The following MZT2B variants were observed in gnomAD, a reference collection of about 807,000 sequenced individuals.
MZT2B encodes the protein mitotic-spindle organizing protein 2B.
A neutral mutation model predicts 12.1 loss-of-function variants in MZT2B; 11 were observed. That is an observed-to-expected ratio of 0.91 (90% confidence interval 0.57 to 1.50). The LOEUF is 1.50. Among genes scored for constraint, MZT2B ranks in the 40% most tolerant of loss-of-function variants. The pLI, the probability that MZT2B is intolerant of heterozygous loss-of-function variation, is 0.00. For synonymous variants in MZT2B, 85 were observed against 109.5 expected, an observed-to-expected ratio of 0.78 and a Z score of 1.40; for missense variants, 209 against 227.7, an observed-to-expected ratio of 0.92 and a Z score of 0.53.
At chr2:130,182,883 C>G in intron 2 of MZT2B, 108 bp downstream of exon 2, 1 of 1,470,514 alleles carries the variant, frequency 6.8e-7, no homozygotes, top group Non-Finnish European at 9.0e-7. Flanking sequence ...GCCTGTCTGT[C>G]GGTCTAGGCC....
At chr2:130,196,060 G>A in the MZT2B span, 2 of 1,315,718 alleles carry the variant, frequency 1.5e-6, no homozygotes, top group African/African-American at 3.0e-5. Context: ...CATCCTTTCA[G>A]CAGGAGGATT....
intron 2 of MZT2B, among the ~76,000 whole-genome samples, chr2:130,189,981 A>G (rs1356313332): frequency 6.6e-6 from 1 of 152,186 alleles, no homozygotes; most frequent in Non-Finnish European, 1.5e-5. Flanking sequence ...CAGAAACCCA[A>G]TTCCAGGACT....
chr2:130,193,651 T>C (rs1191521522), downstream of MZT2B: 8 of 1,026,648 alleles, frequency 7.8e-6, no homozygotes, highest in Non-Finnish European at 1.1e-5. Context: ...TTATCAACTC[T>C]GGTTCACTAA....
the MZT2B span, chr2:130,204,165 T>C: frequency 5.8e-6 from 7 of 1,211,580 alleles, no homozygotes; most frequent in Non-Finnish European, 7.6e-6. Context: ...AATTTTTTTT[T>C]CAGCAATTGG....
Position 130,187,347 on chromosome 2 carries a change from G to C in MZT2B, c.320-3122G>C, listed in dbSNP as rs573432075. Among the ~76,000 whole-genome samples the C allele has an allele frequency of 2.1e-3, 316 of 152,108 alleles. 2 individuals are homozygous for C. The highest frequency in any genetic ancestry group is 6.8e-3 in the Middle Eastern group (2 of 294). On this transcript the variant is annotated intron_variant, in intron 2 of 2. Transcript: ENST00000281871. The stretch of plus-strand genomic sequence containing the variant: ...GGACTACAGGTGCACACTACCACAC[G>C]TGGCTAATTTTTTAATTTTTTGTAG...
intron 2 of MZT2B, chr2:130,183,880 A>G (rs781678522): frequency 1.9e-6 from 3 of 1,550,468 alleles, no homozygotes; most frequent in Middle Eastern, 1.7e-4. Context: ...GTTCTGCTCC[A>G]CAGCCCGGCT....
intron 2 of MZT2B, chr2:130,187,994 T>C (rs1690122131): frequency 6.6e-6 from 1 of 151,470 alleles, no homozygotes; most frequent in South Asian, 2.1e-4. Flanking sequence ...CAATGAACTG[T>C]GATTGCATCA....
downstream of MZT2B, chr2:130,193,667 G>T: frequency 6.7e-6 from 8 of 1,188,898 alleles, no homozygotes; most frequent in African/African-American, 1.5e-5. Flanking sequence ...ACTAACTTAT[G>T]CCCACATGCC....
chr2:130,196,403 C>T, the MZT2B span: 1 of 1,598,164 alleles, frequency 6.3e-7, no homozygotes, highest in Non-Finnish European at 8.6e-7. Flanking sequence ...TGAACCCATT[C>T]ATTTCAAGGC....
chr2:130,188,066 C>CT (rs1269533068), intron 2 of MZT2B: 23 of 138,272 alleles, frequency 1.7e-4, no homozygotes, highest in Non-Finnish European at 2.5e-4. Context: ...CCCCACCACT[C>CT]AAAAAAAAAA....
chr2:130,194,501 T>A (rs781232230), downstream of MZT2B: 12 of 1,519,614 alleles, frequency 7.9e-6, no homozygotes, highest in African/African-American at 1.4e-5. Flanking sequence ...CCAATGCCCG[T>A]GGAAGCCACA....
intron 2 of MZT2B, among the ~76,000 whole-genome samples, chr2:130,189,386 G>A (rs924473950): frequency 1.3e-5 from 2 of 152,192 alleles, no homozygotes; most frequent in African/African-American, 4.8e-5. Flanking sequence ...CCCAGCCAGG[G>A]TTTGAGCCTG....
the MZT2B span, among the ~76,000 whole-genome samples, chr2:130,197,780 T>G: frequency 1.6e-5 from 2 of 123,376 alleles, no homozygotes; most frequent in Non-Finnish European, 3.6e-5. Flanking sequence ...GTAATTTTAG[T>G]ATTTTTTTGT....
intron 2 of MZT2B, chr2:130,183,731 C>G (rs1354911897): frequency 1.3e-6 from 2 of 1,550,496 alleles, no homozygotes; most frequent in Non-Finnish European, 1.7e-6. Flanking sequence ...TGCGTGCTGG[C>G]CTCTTCACTG....
chr2:130,188,803 GC>G (rs1035997508), intron 2 of MZT2B, among the ~76,000 whole-genome samples: 19 of 152,114 alleles, frequency 1.2e-4, no homozygotes, highest in Admixed American at 1.2e-3. Flanking sequence ...CTCTGGAAGA[GC>G]GGGGGTCCAC....
In MZT2B at chr2:130,182,362, T is replaced by C; in HGVS notation, c.80T>C (p.Leu27Pro). The change falls in exon 1 of 3, where the codon CTG (leucine) becomes CCG (proline). Residue 27 changes from leucine to proline, a missense_variant. By Grantham distance (98) the Leu-to-Pro change is moderately conservative. Coordinates refer to ENST00000281871, the MANE Select transcript of MZT2B (RefSeq NM_025029.5). ...GLEAARQKLA[L>P]RRKKVLSTEE... ...GAGGCGGCCCGGCAGAAGCTGGCGC[T>C]GCGGCGGAAGAAGGTGCTGAGCACC... 1 of 1,540,662 alleles carries C rather than the reference T, an allele frequency of 6.5e-7. No individual in the cohort carries two copies. Among genetic ancestry groups the C allele is most frequent in the Non-Finnish European group, 8.7e-7 (1 of 1,147,968 alleles).
intron 2 of MZT2B, among the ~76,000 whole-genome samples, chr2:130,189,170 G>T (rs1345681799): frequency 1.3e-5 from 2 of 152,150 alleles, no homozygotes; most frequent in African/African-American, 4.8e-5. Flanking sequence ...TACAGAGGGG[G>T]CTGCAGTGTA....
chr2:130,187,725 C>T (rs1690114664), intron 2 of MZT2B, among the ~76,000 whole-genome samples: 1 of 152,278 alleles, frequency 6.6e-6, no homozygotes, highest in South Asian at 2.1e-4. Flanking sequence ...TATTCTGGGC[C>T]TTCTCATCCT....
At chr2:130,190,743 T>G (rs1224095216), downstream of MZT2B, 4 of 1,337,908 alleles carry the variant, frequency 3.0e-6, no homozygotes, top group East Asian at 5.6e-5. Flanking sequence ...TGTCTACCGT[T>G]TTTTTTTTTT....
Sources: allele counts gnomAD v4.1 joint callset (sites outside exome capture counted in the v4.1 genomes callset), GRCh38; gene constraint gnomAD v4.1.1; transcripts MANE v1.5; gene names NCBI Gene and HGNC (gene_info 2026-07-23, HGNC 2026-07-21).